MTA3: variants seen among roughly 807,000 people sequenced by gnomAD.
MTA3 encodes the protein metastasis associated 1 family member 3.
A neutral mutation model predicts 83.5 loss-of-function variants in MTA3; 34 were observed. The ratio of observed to expected loss-of-function variants is 0.41; its 90% CI spans 0.31 to 0.54. The LOEUF is 0.54. Among genes scored for constraint, MTA3 ranks in the 20% least tolerant of loss-of-function variants. The pLI, the probability that MTA3 is intolerant of heterozygous loss-of-function variation, is 0.33. For synonymous variants in MTA3, 303 were observed against 252.7 expected, an observed-to-expected ratio of 1.20 and a Z score of -1.89; for missense variants, 761 against 726.4, an observed-to-expected ratio of 1.05 and a Z score of -0.55.
intron 16 of MTA3, among the ~76,000 whole-genome samples, chr2:42,733,296 G>A (rs1668369509): frequency 6.6e-6 from 1 of 152,178 alleles, no homozygotes; most frequent in South Asian, 2.1e-4. Flanking sequence ...AGAAAATGAA[G>A]AAACAAATGC....
intron 9 of MTA3, among the ~76,000 whole-genome samples, chr2:42,684,953 A>T (rs1340283449): frequency 6.6e-6 from 1 of 152,248 alleles, no homozygotes; most frequent in African/African-American, 2.4e-5. Flanking sequence ...GTGTATAGGA[A>T]TATTAAAAAG....
intron 2 of MTA3, among the ~76,000 whole-genome samples, chr2:42,574,977 T>G (rs1191381641): frequency 6.6e-6 from 1 of 152,264 alleles, no homozygotes; most frequent in Non-Finnish European, 1.5e-5. Flanking sequence ...ATGTAAGGTA[T>G]AAGAATTGAG....
intron 2 of MTA3, among the ~76,000 whole-genome samples, chr2:42,557,851 C>T (rs990756521): frequency 6.6e-6 from 1 of 152,266 alleles, no homozygotes; most frequent in African/African-American, 2.4e-5. Flanking sequence ...AGTCTCTATT[C>T]CTCAGTCTGG....
At chr2:42,563,486 G>A (rs1294641744) in intron 2 of MTA3, among the ~76,000 whole-genome samples, 3 of 152,002 alleles carry the variant, frequency 2.0e-5, no homozygotes, top group South Asian at 2.1e-4. Flanking sequence ...TTATTTTTTT[G>A]AGACGAAGTC....
intron 16 of MTA3, among the ~76,000 whole-genome samples, chr2:42,743,646 A>G (rs1573830787): frequency 6.6e-6 from 1 of 152,220 alleles, no homozygotes; most frequent in Non-Finnish European, 1.5e-5. Context: ...TGAAGAGGGT[A>G]TCTAATGTAG....
At position 42,756,848 on chromosome 2, in the gene MTA3, G is replaced by C; in HGVS notation, c.*3449G>C. The C allele has an allele frequency of 2.0e-6, 2 of 985,430 alleles. No homozygotes were observed. Among genetic ancestry groups the C allele is most frequent in the Non-Finnish European group, 2.4e-6 (2 of 829,944 alleles). The allele number at this position is 985,430 out of a possible 1,614,324, so 61.0% of individuals were successfully genotyped here. ...CATGAGTGTTTCCGCAGGATAATTC[G>C]TTCTGAGCATGATACCACAGTGTGG... On this transcript the variant is annotated 3_prime_UTR_variant, in exon 17 of 17. Transcript: ENST00000405094.
chr2:42,694,273 G>C (rs1435845048), intron 9 of MTA3, among the ~76,000 whole-genome samples: 1 of 151,966 alleles, frequency 6.6e-6, no homozygotes, highest in Non-Finnish European at 1.5e-5. Flanking sequence ...GTCTCCCTAG[G>C]TCACATGCCA....
intron 3 of MTA3, among the ~76,000 whole-genome samples, chr2:42,607,098 AGAGG>A (rs1683550725): frequency 8.7e-5 from 1 of 11,454 alleles, no homozygotes; most frequent in Admixed American, 1.3e-3. Context: ...GGGTAGGGGT[AGAGG>A]TAGAGGTAGA....
At chr2:42,738,157 G>T (rs937170229) in intron 16 of MTA3, among the ~76,000 whole-genome samples, 3 of 152,168 alleles carry the variant, frequency 2.0e-5, no homozygotes, top group Non-Finnish European at 4.4e-5. Flanking sequence ...AGCTACTCGG[G>T]AGGCTGAGGT....
rs184705594 is a variant in MTA3, at chr2:42,595,011, C to T, written c.191-14447C>T. 4.5e-3 allele frequency among the ~76,000 whole-genome samples: 663 copies of T among 147,440 alleles called. 6 individuals carry two copies. The highest frequency in any genetic ancestry group is 0.016 in the African/African-American group (638 of 40,034). On this transcript the variant is annotated intron_variant, in intron 3 of 16. Transcript: ENST00000405094. ...CTCATGATCTGCCTGCCTCGGCCTC[C>T]CAAAGTGCTGGGATTACAGGTGTGA...
At chr2:42,669,652 T>C (rs1343182529) in intron 8 of MTA3, among the ~76,000 whole-genome samples, 2 of 152,190 alleles carry the variant, frequency 1.3e-5, no homozygotes, top group Non-Finnish European at 2.9e-5. Context: ...CACACGTCTT[T>C]TTGTTGATGA....
At chr2:42,620,904 A>G (rs1025782382) in intron 4 of MTA3, among the ~76,000 whole-genome samples, 5 of 152,190 alleles carry the variant, frequency 3.3e-5, no homozygotes, top group Non-Finnish European at 7.3e-5. Context: ...AACTATGTTT[A>G]TTTAGACATG....
intron 10 of MTA3, among the ~76,000 whole-genome samples, chr2:42,697,000 A>C (rs902483326): frequency 3.9e-5 from 6 of 152,192 alleles, no homozygotes; most frequent in African/African-American, 1.4e-4. Flanking sequence ...CAAAAACTTC[A>C]ACCCTGTTCT....
chr2:42,642,644 GTTT>G (rs1198386196), intron 5 of MTA3, among the ~76,000 whole-genome samples: 1 of 135,744 alleles, frequency 7.4e-6, no homozygotes, highest in Non-Finnish European at 1.6e-5. Context: ...TGTTAAGTTG[GTTT>G]TTTTTTTTTT....
chr2:42,751,851 C>T (rs1669895606), intron 16 of MTA3, among the ~76,000 whole-genome samples: 1 of 152,124 alleles, frequency 6.6e-6, no homozygotes, highest in Non-Finnish European at 1.5e-5. Context: ...AGAGTGGCTC[C>T]TAGGAGACGC....
At chr2:42,525,384 G>C (rs1483760522) in intron 2 of MTA3, among the ~76,000 whole-genome samples, 1 of 150,644 alleles carries the variant, frequency 6.6e-6, no homozygotes, top group Non-Finnish European at 1.5e-5. Context: ...TATTTTAGTA[G>C]AGATGGGATT....
chr2:42,539,830 CACAA>C (rs1676440954), intron 2 of MTA3, among the ~76,000 whole-genome samples: 1 of 152,010 alleles, frequency 6.6e-6, no homozygotes, highest in South Asian at 2.1e-4. Flanking sequence ...TCCTTGACCT[CACAA>C]GGTGCTAGGG....
chr2:42,539,170 T>A (rs937971662), intron 2 of MTA3, among the ~76,000 whole-genome samples: 1 of 152,034 alleles, frequency 6.6e-6, no homozygotes, highest in Non-Finnish European at 1.5e-5. Context: ...TTGTCAGGAG[T>A]AGAATTACGG....
intron 4 of MTA3, among the ~76,000 whole-genome samples, chr2:42,616,083 A>G (rs111841265): frequency 0.39 from 58,685 of 150,864 alleles, 11,607 homozygotes; most frequent in Middle Eastern, 0.53. Context: ...TTTTTGAGAC[A>G]TAGTTTCACT....
Sources: allele counts gnomAD v4.1 joint callset (sites outside exome capture counted in the v4.1 genomes callset), GRCh38; gene constraint gnomAD v4.1.1; transcripts MANE v1.5; gene names NCBI Gene and HGNC (gene_info 2026-07-23, HGNC 2026-07-21).